DSCAM: variants seen among roughly 807,000 people sequenced by gnomAD.
DSCAM encodes the protein cell adhesion molecule DSCAM.
DSCAM carries 47 observed loss-of-function variants against 217.7 expected under a neutral mutation model. The ratio of observed to expected loss-of-function variants is 0.22; its 90% CI spans 0.17 to 0.28. DSCAM has a LOEUF of 0.28. DSCAM is among the 10% of genes least tolerant of loss of function. DSCAM has a pLI of 1.00. For synonymous variants in DSCAM, 1,056 were observed against 1,015.3 expected, an observed-to-expected ratio of 1.04 and a Z score of -0.76; for missense variants, 2,080 against 2,618.3, an observed-to-expected ratio of 0.79 and a Z score of 4.49.
At chr21:40,418,372 T>A (rs1024083180) in intron 3 of DSCAM, among the ~76,000 whole-genome samples, 3 of 152,192 alleles carry the variant, frequency 2.0e-5, no homozygotes, top group African/African-American at 7.2e-5. Flanking sequence ...AAGTTTTAAT[T>A]GAAATTCAAG....
intron 11 of DSCAM, among the ~76,000 whole-genome samples, chr21:40,193,527 A>G (rs1466187461): frequency 6.6e-6 from 1 of 152,164 alleles, no homozygotes; most frequent in African/African-American, 2.4e-5. Context: ...CCCACATATA[A>G]TTTAGCTTTG....
intron 2 of DSCAM, among the ~76,000 whole-genome samples, chr21:40,701,090 T>C (rs781203856): frequency 6.6e-5 from 10 of 152,326 alleles, no homozygotes; most frequent in Non-Finnish European, 1.0e-4. Flanking sequence ...GTGAAGCCAT[T>C]TGAGCCAGGA....
intron 3 of DSCAM, among the ~76,000 whole-genome samples, chr21:40,671,508 C>G (rs9975811): frequency 6.6e-6 from 1 of 151,316 alleles, no homozygotes; most frequent in African/African-American, 2.4e-5. Flanking sequence ...ACTCCCCCCC[C>G]GCACCGTCTC....
chr21:40,834,635 A>G (rs763849175), intron 1 of DSCAM, among the ~76,000 whole-genome samples: 6 of 152,020 alleles, frequency 3.9e-5, no homozygotes, highest in Non-Finnish European at 8.8e-5. Context: ...TTGAATAGGG[A>G]CACTCACAGG....
chr21:40,617,064 T>G (rs546820348), intron 3 of DSCAM, among the ~76,000 whole-genome samples: 11 of 145,148 alleles, frequency 7.6e-5, no homozygotes, highest in African/African-American at 2.3e-4. Flanking sequence ...AAATAGACTC[T>G]AAGACAGCCA....
At chr21:40,532,327 T>C (rs1237811392) in intron 3 of DSCAM, among the ~76,000 whole-genome samples, 2 of 152,158 alleles carry the variant, frequency 1.3e-5, no homozygotes, top group African/African-American at 4.8e-5. Context: ...GATCCATCTT[T>C]TTCCTCCTTG....
In DSCAM at chr21:40,470,641, C is replaced by G. The variant is rs576031839; in HGVS notation, c.509-101396G>C. On this transcript the variant is annotated intron_variant, in intron 3 of 32. Coordinates refer to ENST00000400454, the MANE Select transcript of DSCAM (RefSeq NM_001389.5). ...GATTGTTGGCTCACTGCAGCCTTGA[C>G]CTCCCCAGCTCAAGAGATCCTCCCA... Among the ~76,000 whole-genome samples, 17 of 152,294 alleles carry G rather than the reference C, an allele frequency of 1.1e-4. 1 individual carries two copies. In the South Asian group the frequency reaches 3.5e-3, roughly 32 times the overall value.
chr21:40,372,269 A>G (rs1346832600), intron 3 of DSCAM, among the ~76,000 whole-genome samples: 2 of 152,340 alleles, frequency 1.3e-5, no homozygotes, highest in Admixed American at 6.5e-5. Context: ...ATGTCCTTCA[A>G]TGGGATTAAT....
At chr21:40,320,633 C>A (rs1411440146) in intron 8 of DSCAM, among the ~76,000 whole-genome samples, 1 of 152,166 alleles carries the variant, frequency 6.6e-6, no homozygotes, top group Non-Finnish European at 1.5e-5. Flanking sequence ...GGGAGCCTCA[C>A]AATCATGGCA....
At chr21:40,567,945 G>GC (rs1555858940) in intron 3 of DSCAM, among the ~76,000 whole-genome samples, 6 of 148,488 alleles carry the variant, frequency 4.0e-5, no homozygotes, top group African/African-American at 1.5e-4. Flanking sequence ...TTTTTGTTTG[G>GC]TTTTTTTTTT....
intron 1 of DSCAM, among the ~76,000 whole-genome samples, chr21:40,820,367 A>G (rs541536955): frequency 4.0e-5 from 6 of 151,510 alleles, no homozygotes; most frequent in South Asian, 2.1e-4. Flanking sequence ...GGAACAGAAA[A>G]CCAAACACTG....
At chr21:40,247,497 A>G (rs2073242465) in intron 11 of DSCAM, among the ~76,000 whole-genome samples, 1 of 152,238 alleles carries the variant, frequency 6.6e-6, no homozygotes, top group South Asian at 2.1e-4. Flanking sequence ...AGGCCCCATG[A>G]AAGCCCACAA....
intron 3 of DSCAM, among the ~76,000 whole-genome samples, chr21:40,496,100 C>T (rs1325243096): frequency 6.6e-6 from 1 of 152,012 alleles, no homozygotes; most frequent in Non-Finnish European, 1.5e-5. Context: ...GTCCATATTA[C>T]CCAAAGTGAT....
chr21:40,660,942 A>G (rs1285598220), intron 3 of DSCAM, among the ~76,000 whole-genome samples: 1 of 152,194 alleles, frequency 6.6e-6, no homozygotes, highest in East Asian at 1.9e-4. Flanking sequence ...TTAAGATCTG[A>G]CATCACCTTC....
chr21:40,144,620 C>T lies in DSCAM; in HGVS notation c.3130G>A (p.Gly1044Arg), dbSNP rs1050429018. The change falls in exon 17 of 33, where the codon GGG (glycine) becomes AGG (arginine). Residue 1044 changes from glycine to arginine, a missense_variant. Gly to Arg is a moderately radical substitution (Grantham distance 125). Around this residue, in one of 5 missense-constraint regions of DSCAM, gnomAD observed 1,144 missense variants for 1,421.1 expected, o/e 0.81. Coordinates refer to ENST00000400454, the MANE Select transcript of DSCAM (RefSeq NM_001389.5). This position sits in a 1 kb window ranked among gnomAD's most constrained non-coding sequence, Gnocchi z 4.8. ...TCCAGGGTGTAAACCTCACTGTCCC[C>T]GCTGGTGTCGACACTGATAATGTTG... ...QFNIISVDTS[G>R]DSEVYTLDNL... The T allele has an allele frequency of 3.7e-6, 6 of 1,613,990 alleles. No individual in the cohort carries two copies. Among genetic ancestry groups the T allele is most frequent in the African/African-American group, 2.7e-5 (2 of 74,904 alleles).
At chr21:40,213,370 T>C (rs2091204717) in intron 11 of DSCAM, among the ~76,000 whole-genome samples, 1 of 152,162 alleles carries the variant, frequency 6.6e-6, no homozygotes, top group South Asian at 2.1e-4. Flanking sequence ...TGCCTCCCTG[T>C]GCACACATAG....
chr21:40,435,669 C>T (rs192287222), intron 3 of DSCAM, among the ~76,000 whole-genome samples: 1 of 152,050 alleles, frequency 6.6e-6, no homozygotes, highest in Admixed American at 6.5e-5. Context: ...TGCTTTTGTA[C>T]CTTTGTCAAA....
At chr21:40,244,248 C>T (rs996560884) in intron 11 of DSCAM, among the ~76,000 whole-genome samples, 2 of 152,056 alleles carry the variant, frequency 1.3e-5, no homozygotes, top group African/African-American at 2.4e-5. Context: ...GTCAGGAGTT[C>T]GAGACCAGAC....
At chr21:40,107,135 G>A (rs924413768) in intron 20 of DSCAM, among the ~76,000 whole-genome samples, 1 of 152,058 alleles carries the variant, frequency 6.6e-6, no homozygotes, top group South Asian at 2.1e-4. Flanking sequence ...TCTTAACACT[G>A]CCTTAGCAGT....
Sources: gnomAD v4.1 joint callset for allele counts (sites outside exome capture counted in the v4.1 genomes callset) on GRCh38, gnomAD v4.1.1 for gene constraint, gnomAD v4.1.1 regional missense constraint, Gnocchi (gnomAD v3.1) non-coding constraint, MANE v1.5 for transcripts, NCBI Gene and HGNC (gene_info 2026-07-23, HGNC 2026-07-21) for gene names.